Variants in TTC13 observed in about 807,000 individuals in gnomAD.
TTC13 encodes the protein tetratricopeptide repeat domain 13.
Under a neutral mutation model 120.0 loss-of-function variants are expected in TTC13, and 62 were observed. The observed-to-expected ratio is 0.52, with a 90% CI of 0.42 to 0.64. The LOEUF is 0.64. Ranked by LOEUF, TTC13 falls within the 30% of genes least tolerant of loss-of-function variation. The pLI is 0.00. For synonymous variants in TTC13, 384 were observed against 393.5 expected (o/e 0.98, Z 0.28); for missense variants, 824 against 1,050.2 (o/e 0.78, Z 2.98).
chr1:230,956,739 C>A (rs980351070), intron 3 of TTC13, among the ~76,000 whole-genome samples: 1 of 152,040 alleles, frequency 6.6e-6, no homozygotes, highest in Admixed American at 6.6e-5. Context: ...GTGAAAAAAA[C>A]GCAGAAGTAT....
At chr1:230,976,813 T>A (rs982370118) in intron 1 of TTC13, among the ~76,000 whole-genome samples, 1 of 152,230 alleles carries the variant, frequency 6.6e-6, no homozygotes, top group African/African-American at 2.4e-5. Context: ...TCTTAAATAC[T>A]GGTGGTTAGC....
At chr1:230,925,765 C>T in intron 12 of TTC13, 118 bp from the exon 13 acceptor site, 1 of 1,139,716 alleles carries the variant, frequency 8.8e-7, no homozygotes, top group Non-Finnish European at 1.3e-6. Flanking sequence ...TCTACGACCA[C>T]ATAATCCTTA....
chr1:230,930,831 T>C (rs552399402), intron 11 of TTC13, among the ~76,000 whole-genome samples: 1 of 152,276 alleles, frequency 6.6e-6, no homozygotes, highest in Non-Finnish European at 1.5e-5. Flanking sequence ...GGCAGGAGAA[T>C]GGGATGAACC....
chr1:230,967,486 T>C (rs879730387), intron 1 of TTC13, among the ~76,000 whole-genome samples: 2 of 152,224 alleles, frequency 1.3e-5, no homozygotes, highest in Admixed American at 1.3e-4. Flanking sequence ...AAGATGTTTC[T>C]ATGATTTTTC....
In TTC13 at chr1:230,944,575, T is replaced by C. The variant is rs9431613; in HGVS notation, c.580-677A>G. Among the ~76,000 whole-genome samples the C allele has an allele frequency of 0.13, 20,416 of 152,150 alleles. 1,377 individuals carry two copies. Among genetic ancestry groups the C allele is most frequent in the Middle Eastern group, 0.16 (46 of 294 alleles). On this transcript the variant is annotated intron_variant, in intron 5 of 22. Coordinates refer to ENST00000366661, the MANE Select transcript of TTC13 (RefSeq NM_024525.5). The surrounding 1 kb of genome is among the most constrained non-coding windows in gnomAD (Gnocchi z 4.0). ...TTCTAAATTCATTCTCAGTCCTCTA[T>C]GTCTCAAAGTATACAAATACACAAA...
Position 230,931,457 on chromosome 1 carries a change from C to T in TTC13, c.1141G>A (p.Glu381Lys). The change falls in exon 11 of 23, where the codon GAG (glutamate) becomes AAG (lysine). Residue 381 changes from glutamate to lysine, a missense_variant. Glu to Lys is a moderately conservative substitution (Grantham distance 56). Transcript: ENST00000366661. ...LKNFKRCLQL[E>K]PYNEVCQYMK... ...TACTGGCACACTTCATTATATGGCTCTAGCTGCAGACACCGCTGAGGACAA... is the reference window on the plus strand; with the variant it reads ...TACTGGCACACTTCATTATATGGCTTTAGCTGCAGACACCGCTGAGGACAA... The T allele has an allele frequency of 6.2e-6, 10 of 1,614,082 alleles. No individual in the cohort carries two copies. Among genetic ancestry groups the T allele is most frequent in the Non-Finnish European group, 7.6e-6 (9 of 1,180,016 alleles).
At chr1:230,925,065 AAC>A in intron 13 of TTC13, 92 bp from the exon 14 acceptor site, 2 of 1,504,728 alleles carry the variant, frequency 1.3e-6, no homozygotes, top group Non-Finnish European at 1.8e-6. Flanking sequence ...CTCAAGAGTT[AAC>A]ACATAAAGGG....
At chr1:230,960,698 A>T (rs1267607553) in intron 2 of TTC13, among the ~76,000 whole-genome samples, 1 of 152,230 alleles carries the variant, frequency 6.6e-6, no homozygotes, top group Non-Finnish European at 1.5e-5. Context: ...CGGAAAGAAC[A>T]ATCAGCTTCA....
intron 20 of TTC13, among the ~76,000 whole-genome samples, chr1:230,911,184 A>G (rs1347563319): frequency 6.6e-6 from 1 of 152,224 alleles, no homozygotes. Context: ...ATTAAAACAC[A>G]CTGAGCACGG....
intron 1 of TTC13, among the ~76,000 whole-genome samples, chr1:230,969,531 G>C (rs1467338342): frequency 6.6e-6 from 1 of 152,072 alleles, no homozygotes; most frequent in Non-Finnish European, 1.5e-5. Context: ...TCTTGATTAG[G>C]CTTGCTAGAT....
intron 22 of TTC13, among the ~76,000 whole-genome samples, chr1:230,907,748 T>G (rs1400063110): frequency 3.3e-5 from 5 of 152,160 alleles, no homozygotes; most frequent in African/African-American, 4.8e-5. Context: ...AATAGAGTGG[T>G]TGCTATGTCA....
intron 1 of TTC13, 88 bp from the exon 2 acceptor site, chr1:230,961,391 A>G (rs1042707900): frequency 2.9e-5 from 28 of 966,736 alleles, no homozygotes; most frequent in Non-Finnish European, 4.3e-5. Context: ...TAGACTCCAC[A>G]GAACCAAAAT....
chr1:230,966,119 G>T (rs1162658554), intron 1 of TTC13, among the ~76,000 whole-genome samples: 3 of 151,860 alleles, frequency 2.0e-5, no homozygotes, highest in Non-Finnish European at 4.4e-5. Context: ...TTCAATTATT[G>T]TAGCTTCACA....
rs530556698 is a variant in TTC13, at chr1:230,911,663, T to A, written c.2230-114A>T. The stretch of plus-strand genomic sequence containing the variant: ...ATCAAGAAGAGGATTGTTTTCTTCC[T>A]CCCCCATAAGAATCTACTTTTCAAA... On this transcript the variant is annotated intron_variant, in intron 19 of 22. Coordinates refer to ENST00000366661, the MANE Select transcript of TTC13 (RefSeq NM_024525.5). The A allele has an allele frequency of 6.3e-5, 37 of 589,632 alleles. No homozygotes were observed. In the African/African-American group the frequency reaches 6.6e-4, roughly 11 times the overall value. 36.5% of individuals were successfully genotyped at this position (589,632 alleles called of 1,614,324 possible).
At position 230,911,514 on chromosome 1, in the gene TTC13, TA is replaced by T; in HGVS notation, c.2264del (p.Leu755Ter). 1.2e-6 allele frequency: 2 copies of T among 1,607,112 alleles called. No homozygotes were observed. The highest frequency in any genetic ancestry group is 4.5e-5 in the East Asian group (2 of 44,598). On this transcript the variant is annotated frameshift_variant, in exon 20 of 23. Transcript: ENST00000366661. LOFTEE classifies it high-confidence loss of function. ...GCATTAAATTATAAAAGTAATAAAC[TA>T]AGGATAAGATTAAGTTGCAGACAGC... is the stretch of plus-strand genomic sequence containing the variant. ...ADAVCNLILS[L>X]VYYFYNLMPL... is the part of the protein sequence containing the mutation.
At position 230,925,617 on chromosome 1, in the gene TTC13, A is replaced by C; in HGVS notation, c.1488T>G (p.Tyr496Ter). The C allele has an allele frequency of 6.2e-7, 1 of 1,614,096 alleles. No homozygotes were observed. Among genetic ancestry groups the C allele is most frequent in the Non-Finnish European group, 8.5e-7 (1 of 1,179,938 alleles). Residue 496 changes from tyrosine to a stop codon, truncating the protein, a stop_gained, in exon 13 of 23, where the codon TAT becomes TAG. Coordinates refer to ENST00000366661, the MANE Select transcript of TTC13 (RefSeq NM_024525.5). LOFTEE classifies it high-confidence loss of function. ...AAATCAGCTCCTGTACTTCAGGCTT[A>C]TAACTCTCAAAATTCTGATGTAACA... ...KDVLHQNFES[Y>*]KPEVQELICV...
chr1:230,943,428 G>C (rs764474529), intron 6 of TTC13, among the ~76,000 whole-genome samples: 6 of 151,908 alleles, frequency 3.9e-5, no homozygotes, highest in Non-Finnish European at 8.8e-5. Flanking sequence ...CATGTCCTTT[G>C]TAGGGACATG....
chr1:230,973,585 G>A (rs1677974523), intron 1 of TTC13, among the ~76,000 whole-genome samples: 1 of 152,110 alleles, frequency 6.6e-6, no homozygotes, highest in South Asian at 2.1e-4. Context: ...TGAAGGCATT[G>A]GAAAAAAAGA....
intron 1 of TTC13, among the ~76,000 whole-genome samples, chr1:230,977,586 T>TAA (rs138521198): frequency 4.1e-5 from 6 of 147,058 alleles, no homozygotes; most frequent in Admixed American, 2.7e-4. Context: ...TCATCTCAAC[T>TAA]AAAAAAAAAA....
Sources: gnomAD v4.1 joint callset for allele counts (sites outside exome capture counted in the v4.1 genomes callset) on GRCh38, gnomAD v4.1.1 for gene constraint, Gnocchi (gnomAD v3.1) non-coding constraint, MANE v1.5 for transcripts, NCBI Gene and HGNC (gene_info 2026-07-23, HGNC 2026-07-21) for gene names.